Variants in ATP8A2 observed in about 807,000 individuals in gnomAD.
ATP8A2 encodes ATPase phospholipid transporting 8A2.
ATP8A2 carries 100 observed loss-of-function variants against 165.6 expected under a neutral mutation model. The ratio of observed to expected loss-of-function variants is 0.60; its 90% CI spans 0.51 to 0.71. ATP8A2 has a LOEUF of 0.71. ATP8A2 is among the 30% of genes least tolerant of loss of function. The pLI is 0.00. For synonymous variants in ATP8A2, 543 were observed against 548.8 expected (o/e 0.99, Z 0.15); for missense variants, 1,227 against 1,479.5 (o/e 0.83, Z 2.80).
intron 1 of ATP8A2, among the ~76,000 whole-genome samples, chr13:25,403,563 G>A (rs928801812): frequency 2.0e-5 from 3 of 152,248 alleles, no homozygotes; most frequent in East Asian, 3.9e-4. Flanking sequence ...GAATGACCTC[G>A]AATACATTTT....
rs562731842 is a variant in ATP8A2, at chr13:25,640,523, C to G, written c.2211+50824C>G. ...GTCTAGAAGAAATGGATAAATTCCT[C>G]GACACATACACCCTCCCAAGACTAA... On this transcript the variant is annotated intron_variant, in intron 24 of 36. Coordinates refer to ENST00000381655, the MANE Select transcript of ATP8A2 (RefSeq NM_016529.6). Among the ~76,000 whole-genome samples, 896 of 151,984 alleles carry G rather than the reference C, an allele frequency of 5.9e-3. 9 individuals are homozygous for G. The highest frequency in any genetic ancestry group is 0.021 in the African/African-American group (860 of 41,494).
At chr13:25,535,058 G>C (rs2038232708) in intron 6 of ATP8A2, among the ~76,000 whole-genome samples, 1 of 152,122 alleles carries the variant, frequency 6.6e-6, no homozygotes, top group African/African-American at 2.4e-5. Flanking sequence ...AGCTGGGAGG[G>C]GCCACCTACC....
At chr13:25,553,258 G>T (rs1246284714) in intron 11 of ATP8A2, among the ~76,000 whole-genome samples, 1 of 150,950 alleles carries the variant, frequency 6.6e-6, no homozygotes, top group Non-Finnish European at 1.5e-5. Context: ...ATCCCCTAGG[G>T]TCCTGTTCCA....
At chr13:25,911,192 G>A (rs1262595770) in intron 33 of ATP8A2, among the ~76,000 whole-genome samples, 1 of 152,088 alleles carries the variant, frequency 6.6e-6, no homozygotes, top group Admixed American at 6.5e-5. Flanking sequence ...AATTGGTTGG[G>A]CCTGGCTTGG....
intron 2 of ATP8A2, among the ~76,000 whole-genome samples, chr13:25,474,364 A>G (rs964111945): frequency 7.2e-5 from 11 of 152,168 alleles, no homozygotes; most frequent in Non-Finnish European, 1.2e-4. Flanking sequence ...GATTGAGACC[A>G]TCCTGGCTAA....
chr13:25,862,250 A>G, intron 32 of ATP8A2, 51 bp from the exon 33 acceptor site: 3 of 1,372,626 alleles, frequency 2.2e-6, no homozygotes, highest in Non-Finnish European at 3.1e-6. Flanking sequence ...GTTGGGGTGA[A>G]TCTGCCAGGC....
At chr13:25,392,630 T>TA (rs905999040) in intron 1 of ATP8A2, among the ~76,000 whole-genome samples, 7 of 152,294 alleles carry the variant, frequency 4.6e-5, no homozygotes, top group African/African-American at 1.7e-4. Context: ...TAGCCTTTTA[T>TA]AAAAAAATTT....
intron 33 of ATP8A2, among the ~76,000 whole-genome samples, chr13:25,929,058 C>T (rs1008301011): frequency 1.3e-5 from 2 of 152,242 alleles, no homozygotes; most frequent in Middle Eastern, 3.4e-3. Context: ...AACCTCTTCC[C>T]GAGGTTATGT....
chr13:25,737,353 A>T (rs2043794418), intron 25 of ATP8A2, among the ~76,000 whole-genome samples: 1 of 152,032 alleles, frequency 6.6e-6, no homozygotes, highest in African/African-American at 2.4e-5. Flanking sequence ...TCTCTTGGTG[A>T]TTCTGTAAAA....
chr13:25,671,760 G>A, intron 24 of ATP8A2, among the ~76,000 whole-genome samples: 1 of 152,156 alleles, frequency 6.6e-6, no homozygotes, highest in Non-Finnish European at 1.5e-5. Flanking sequence ...TTTTAATTTT[G>A]CCTCGGTCCT....
intron 1 of ATP8A2, among the ~76,000 whole-genome samples, chr13:25,416,311 A>T (rs1218537232): frequency 6.6e-6 from 1 of 152,190 alleles, no homozygotes; most frequent in Non-Finnish European, 1.5e-5. Context: ...CAGTGATTAA[A>T]ATTCCTGTTA....
chr13:25,854,993 G>A (rs1420575462), intron 30 of ATP8A2, among the ~76,000 whole-genome samples: 1 of 152,154 alleles, frequency 6.6e-6, no homozygotes, highest in Non-Finnish European at 1.5e-5. Flanking sequence ...GCTCATGCCT[G>A]TAATCCCAGC....
At chr13:25,580,431 C>G (rs1425542570) in intron 22 of ATP8A2, among the ~76,000 whole-genome samples, 1 of 152,146 alleles carries the variant, frequency 6.6e-6, no homozygotes, top group African/African-American at 2.4e-5. Context: ...AGCTCACTTT[C>G]AATTTATTGG....
At position 25,606,940 on chromosome 13, in the gene ATP8A2, C is replaced by T. The variant is rs145747862; in HGVS notation, c.2211+17241C>T. Among the ~76,000 whole-genome samples the T allele has an allele frequency of 1.8e-4, 27 of 152,206 alleles. No homozygotes were observed. In the East Asian group the frequency reaches 4.1e-3, roughly 23 times the overall value. On this transcript the variant is annotated intron_variant, in intron 24 of 36. Coordinates refer to ENST00000381655, the MANE Select transcript of ATP8A2 (RefSeq NM_016529.6). ...TCAAGGGTCCCCGACCCCCAGGGCA[C>T]GAAACAGTACTGGTCCATGGCCTGT...
intron 16 of ATP8A2, among the ~76,000 whole-genome samples, chr13:25,568,688 A>G (rs2039385415): frequency 6.6e-6 from 1 of 152,112 alleles, no homozygotes. Flanking sequence ...GATAGTGGTG[A>G]TGGCTGTGTA....
rs141904777 is a variant in ATP8A2, at chr13:25,650,790, C to T, written c.2212-48383C>T. The stretch of plus-strand genomic sequence containing the variant: ...TTTTAATCTTTTGATTTGTGAACTA[C>T]ATTCAATAATTTCCCAATGTTAAAC... On this transcript the variant is annotated intron_variant, in intron 24 of 36. Transcript: ENST00000381655. Among the ~76,000 whole-genome samples, 252 of 152,272 alleles carry T rather than the reference C, an allele frequency of 1.7e-3. 1 individual carries two copies. Among genetic ancestry groups the T allele is most frequent in the African/African-American group, 5.8e-3 (243 of 41,576 alleles).
intron 25 of ATP8A2, among the ~76,000 whole-genome samples, chr13:25,713,674 A>G (rs1330979162): frequency 2.0e-5 from 3 of 152,338 alleles, no homozygotes; most frequent in Middle Eastern, 3.4e-3. Flanking sequence ...AATGCAGGTC[A>G]CTTCGTGTTC....
At chr13:25,695,179 C>T (rs544937504) in intron 24 of ATP8A2, among the ~76,000 whole-genome samples, 45 of 151,174 alleles carry the variant, frequency 3.0e-4, no homozygotes, top group South Asian at 6.3e-4. Context: ...TATGTTTACA[C>T]GGTACTGTAC....
At chr13:25,546,502 G>A (rs1214164020) in intron 10 of ATP8A2, among the ~76,000 whole-genome samples, 4 of 146,908 alleles carry the variant, frequency 2.7e-5, no homozygotes, top group African/African-American at 1.0e-4. Context: ...AATTGCTGTC[G>A]GGTTCTTCTA....
Sources: allele counts gnomAD v4.1 joint callset (sites outside exome capture counted in the v4.1 genomes callset), GRCh38; gene constraint gnomAD v4.1.1; transcripts MANE v1.5; gene names NCBI Gene and HGNC (gene_info 2026-07-23, HGNC 2026-07-21).